The following KCNT2 variants were observed in gnomAD, a reference collection of about 807,000 sequenced individuals.
KCNT2 encodes the protein potassium sodium-activated channel subfamily T member 2.
A neutral mutation model predicts 153.8 loss-of-function variants in KCNT2; 67 were observed. The observed-to-expected ratio is 0.44, with a 90% CI of 0.36 to 0.53. KCNT2 has a LOEUF of 0.53. Ranked by LOEUF, KCNT2 falls within the 20% of genes least tolerant of loss-of-function variation. The pLI is 0.00. For missense variants in KCNT2, 975 were observed against 1,354.8 expected (o/e 0.72, Z 4.40); for synonymous variants, 500 against 458.8 (o/e 1.09, Z -1.15).
intron 12 of KCNT2, among the ~76,000 whole-genome samples, chr1:196,406,867 A>C (rs1235993711): frequency 6.6e-6 from 1 of 151,398 alleles, no homozygotes; most frequent in Non-Finnish European, 1.5e-5. Context: ...AATGATAAAA[A>C]CCTGCTTGCC....
intron 14 of KCNT2, among the ~76,000 whole-genome samples, chr1:196,365,412 C>T (rs1040223234): frequency 5.3e-5 from 8 of 152,076 alleles, no homozygotes; most frequent in Non-Finnish European, 1.0e-4. Context: ...TAAAAATCTT[C>T]TATGACTGAA....
At chr1:196,482,224 G>C (rs890723998) in intron 4 of KCNT2, 107 bp downstream of exon 4, 10 of 697,174 alleles carry the variant, frequency 1.4e-5, no homozygotes, top group Non-Finnish European at 2.2e-5. Context: ...AGATTAATCA[G>C]GCAGAAAGAC....
intron 1 of KCNT2, among the ~76,000 whole-genome samples, chr1:196,597,266 A>G (rs1664197456): frequency 7.2e-6 from 1 of 139,564 alleles, no homozygotes; most frequent in South Asian, 2.1e-4. Context: ...AGCCACCTAC[A>G]CTAAAAAAAA....
chr1:196,596,056 GTATA>G (rs1174131733), intron 1 of KCNT2, among the ~76,000 whole-genome samples: 15 of 4,348 alleles, frequency 3.4e-3, no homozygotes, highest in African/African-American at 3.5e-3. Flanking sequence ...TCCATGATGT[GTATA>G]TATATATATA....
At chr1:196,316,835 C>T (rs1164441772) in intron 20 of KCNT2, among the ~76,000 whole-genome samples, 1 of 151,690 alleles carries the variant, frequency 6.6e-6, no homozygotes, top group Non-Finnish European at 1.5e-5. Context: ...ATTCTCATTG[C>T]CTCTGCTTCA....
intron 6 of KCNT2, 77 bp from the exon 7 acceptor site, chr1:196,467,863 G>GAAAAAAAGCTGTT: frequency 1.4e-6 from 1 of 703,898 alleles, no homozygotes. Context: ...AAAAGAAATG[G>GAAAAAAAGCTGTT]AAAAAAAGCT....
rs544315851 is a variant in KCNT2 at position 196,436,932 on chromosome 1, G to A, written c.639-7175C>T. Among the ~76,000 whole-genome samples, 223 of 141,978 alleles carry A rather than the reference G, an allele frequency of 1.6e-3. 1 individual carries two copies. Among genetic ancestry groups the A allele is most frequent in the African/African-American group, 5.5e-3 (213 of 38,596 alleles). 93.1% of individuals were successfully genotyped at this position (141,978 alleles called of 152,430 possible). A position where few individuals can be genotyped will look rare whatever the true frequency, so the allele number is the denominator to read the frequency against. Reference sequence around the variant, plus strand: ...ATTACAGCATAAATAACCATAGTTGGTGGATTTTAGTAAACATTTTGGTAT... The same window carrying A: ...ATTACAGCATAAATAACCATAGTTGATGGATTTTAGTAAACATTTTGGTAT... On this transcript the variant is annotated intron_variant, in intron 8 of 27. Coordinates refer to ENST00000294725, the MANE Select transcript of KCNT2 (RefSeq NM_198503.5).
intron 5 of KCNT2, among the ~76,000 whole-genome samples, 160 bp downstream of exon 5, chr1:196,479,019 G>A (rs76541854): frequency 0.017 from 2,644 of 152,220 alleles, 42 homozygotes; most frequent in Admixed American, 0.024. Context: ...AAACATTACC[G>A]TATTCATACA....
At chr1:196,398,766 T>C (rs1671166508) in intron 12 of KCNT2, 95 bp from the exon 13 acceptor site, 2 of 605,586 alleles carry the variant, frequency 3.3e-6, no homozygotes, top group South Asian at 2.5e-5. Context: ...GTCACATCCA[T>C]AGTTAAAACT....
chr1:196,285,579 T>A, intron 23 of KCNT2, 78 bp downstream of exon 23: 1 of 819,134 alleles, frequency 1.2e-6, no homozygotes, highest in Non-Finnish European at 2.0e-6. Flanking sequence ...TGTGAAACAC[T>A]AGATGTATTA....
At position 196,373,132 on chromosome 1, in the gene KCNT2, A is replaced by G; in HGVS notation, c.1403+8T>C. ...TAAAAGGTTAACTTAAAGAAAAAAT[A>G]TACTTACTGCCCTCTAGAGGTATGA... On this transcript the variant is annotated splice_region_variant and intron_variant, in intron 14 of 27. Transcript: ENST00000294725. The G allele has an allele frequency of 7.7e-7, 1 of 1,295,134 alleles. No individual in the cohort carries two copies. Among genetic ancestry groups the G allele is most frequent in the South Asian group, 1.3e-5 (1 of 79,766 alleles). The allele number at this position is 1,295,134 out of a possible 1,614,324, so 80.2% of individuals were successfully genotyped here.
At chr1:196,302,714 T>G (rs995804313) in intron 22 of KCNT2, among the ~76,000 whole-genome samples, 1 of 151,872 alleles carries the variant, frequency 6.6e-6, no homozygotes, top group Admixed American at 6.6e-5. Flanking sequence ...CTGTAAGAGT[T>G]AGGACCCCAG....
chr1:196,552,891 G>A (rs779981552), intron 1 of KCNT2, among the ~76,000 whole-genome samples: 3 of 150,972 alleles, frequency 2.0e-5, no homozygotes, highest in Non-Finnish European at 4.4e-5. Flanking sequence ...AACCCTCTTG[G>A]TCACCTCAAA....
intron 1 of KCNT2, among the ~76,000 whole-genome samples, chr1:196,542,056 G>A (rs1656450188): frequency 2.0e-5 from 3 of 151,760 alleles, no homozygotes; most frequent in Admixed American, 1.3e-4. Context: ...AATTATTTAA[G>A]AGATTTAGAT....
At chr1:196,558,133 A>T (rs1230648777) in intron 1 of KCNT2, among the ~76,000 whole-genome samples, 1 of 151,382 alleles carries the variant, frequency 6.6e-6, no homozygotes, top group Non-Finnish European at 1.5e-5. Flanking sequence ...TGAATTATTG[A>T]TTCTTATTAC....
rs746472617 is a variant in KCNT2 at position 196,340,333 on chromosome 1, A to G, written c.1783+8T>C. 3 of 1,484,032 alleles carry G rather than the reference A, an allele frequency of 2.0e-6. No homozygotes were observed. The highest frequency in any genetic ancestry group is 2.8e-5 in the African/African-American group (2 of 71,502). 91.9% of individuals were successfully genotyped at this position (1,484,032 alleles called of 1,614,324 possible). A position where few individuals can be genotyped will look rare whatever the true frequency, so the allele number is the denominator to read the frequency against. On this transcript the variant is annotated splice_region_variant and intron_variant, in intron 16 of 27. Transcript: ENST00000294725. ...AATTAATGATATTTCAAATTTGTTT[A>G]TACTTACCCATGCTGGCAATTATGC... is the stretch of plus-strand genomic sequence containing the variant.
chr1:196,436,293 A>G (rs1186275146), intron 8 of KCNT2, among the ~76,000 whole-genome samples: 1 of 151,692 alleles, frequency 6.6e-6, no homozygotes, highest in African/African-American at 2.4e-5. Flanking sequence ...TAATTATTCA[A>G]GTAAAATATA....
At chr1:196,407,729 T>G (rs928655786) in intron 12 of KCNT2, among the ~76,000 whole-genome samples, 2 of 151,502 alleles carry the variant, frequency 1.3e-5, no homozygotes, top group African/African-American at 4.8e-5. Flanking sequence ...GAGTGCTCAG[T>G]GATTGTTTGC....
chr1:196,580,835 G>A (rs1048815926), intron 1 of KCNT2, among the ~76,000 whole-genome samples: 1 of 152,060 alleles, frequency 6.6e-6, no homozygotes, highest in Non-Finnish European at 1.5e-5. Context: ...CACTCAAAAG[G>A]CTTCAAAGTG....
Sources: allele counts gnomAD v4.1 joint callset (sites outside exome capture counted in the v4.1 genomes callset), GRCh38; gene constraint gnomAD v4.1.1; transcripts MANE v1.5; gene names NCBI Gene and HGNC (gene_info 2026-07-23, HGNC 2026-07-21).